Variants in ADGRB1 observed in about 807,000 individuals in gnomAD.
The protein encoded by ADGRB1 is brain-specific angiogenesis inhibitor 1.
Under a neutral mutation model 175.7 loss-of-function variants are expected in ADGRB1, and 36 were observed. That is an observed-to-expected ratio of 0.20 (90% confidence interval 0.16 to 0.27). The LOEUF (loss-of-function observed/expected upper bound fraction) is 0.27, where lower values mean the gene tolerates loss of function less well. ADGRB1 is among the 10% of genes least tolerant of loss of function. The probability of loss-of-function intolerance (pLI) is 1.00; values close to 1 mark genes in which losing one functional copy is unlikely to be tolerated. For synonymous variants in ADGRB1, 1,054 were observed against 979.4 expected, an observed-to-expected ratio of 1.08 and a Z score of -1.42; for missense variants, 1,731 against 2,255.3, an observed-to-expected ratio of 0.77 and a Z score of 4.71.
intron 24 of ADGRB1, among the ~76,000 whole-genome samples, chr8:142,529,340 TTGTG>T (rs141219376): frequency 1.0e-3 from 156 of 150,924 alleles, no homozygotes; most frequent in Middle Eastern, 0.01. Context: ...GCAGATGTGT[TTGTG>T]TGTGTGTGTG....
In ADGRB1 at chr8:142,490,780, C is replaced by G. The variant is rs1841943738; in HGVS notation, c.2640C>G (p.Thr880=). The change falls in exon 17 of 31, where the codon ACC becomes ACG. Residue 880 remains threonine (T), a synonymous_variant. Transcript: ENST00000517894. The stretch of plus-strand genomic sequence containing the variant: ...TCTCCCCTCTCTCCCAGGGCACCAC[C>G]AACCAGACCTGTATCCTGTGGGATG... ...IEFAHMYNGT[T]NQTCILWDET... The G allele has an allele frequency of 6.3e-7, 1 of 1,582,296 alleles. No homozygotes were observed. Among genetic ancestry groups the G allele is most frequent in the Non-Finnish European group, 8.6e-7 (1 of 1,164,154 alleles).
chr8:142,480,301 C>G (rs924218958), intron 9 of ADGRB1, among the ~76,000 whole-genome samples: 1 of 152,196 alleles, frequency 6.6e-6, no homozygotes, highest in African/African-American at 2.4e-5. Flanking sequence ...TGGGTTCAAA[C>G]TCTGGTTCTG....
chr8:142,532,163 C>G (rs1435796940), intron 24 of ADGRB1, among the ~76,000 whole-genome samples: 1 of 152,158 alleles, frequency 6.6e-6, no homozygotes, highest in Non-Finnish European at 1.5e-5. Flanking sequence ...AGGAGGGAAG[C>G]TGGCGCCAGC....
rs374047873 is a variant in ADGRB1 at position 142,520,918 on chromosome 8, G to C, written c.3017G>C (p.Arg1006Pro). Reference protein sequence around the residue: ...ALILIGQTQTRNKVVCTLVAA... With the variant: ...ALILIGQTQTPNKVVCTLVAA... ...ATCCTCATCGGGCAGACCCAGACCC[G>C]CAACAAGGTAGGCAGCCTTGCGTCC... is the stretch of plus-strand genomic sequence containing the variant. Residue 1006 changes from arginine to proline, a missense_variant, in exon 20 of 31, where the codon CGC becomes CCC. This residue lies in a region of ADGRB1 where 301 missense variants were observed against 488.4 expected (regional missense o/e 0.62). Coordinates refer to ENST00000517894, the MANE Select transcript of ADGRB1 (RefSeq NM_001702.3). 1 of 1,612,572 alleles carries C rather than the reference G, an allele frequency of 6.2e-7. No homozygotes were observed. Among genetic ancestry groups the C allele is most frequent in the African/African-American group, 1.3e-5 (1 of 74,868 alleles).
Position 142,477,045 on chromosome 8 carries a change from G to C in ADGRB1, c.1058-69G>C, listed in dbSNP as rs950318395. 1.4e-6 allele frequency: 2 copies of C among 1,431,446 alleles called. 1 individual carries two copies. The highest frequency in any genetic ancestry group is 1.8e-6 in the Non-Finnish European group (2 of 1,095,242). The allele number at this position is 1,431,446 out of a possible 1,614,324, so 88.7% of individuals were successfully genotyped here. ...CCCAGCAGGGCAGCCCTCCTGCTGC[G>C]GGGTCTGGCCCCGGTCTGACTGCAG... On this transcript the variant is annotated intron_variant, in intron 4 of 30. Transcript: ENST00000517894.
At chr8:142,505,033 G>A (rs957090622) in intron 17 of ADGRB1, among the ~76,000 whole-genome samples, 5 of 142,912 alleles carry the variant, frequency 3.5e-5, no homozygotes, top group Admixed American at 2.3e-4. Context: ...AGGAGGCATC[G>A]TGAATGCAGT....
At chr8:142,540,935 G>A (rs1026538386) in intron 27 of ADGRB1, among the ~76,000 whole-genome samples, 20 of 152,180 alleles carry the variant, frequency 1.3e-4, no homozygotes, top group East Asian at 9.7e-4. Flanking sequence ...GCCTGTGTTC[G>A]GGAGAGAGAG....
At chr8:142,544,069 T>A in intron 30 of ADGRB1, 151 bp from the exon 31 acceptor site, 1 of 843,808 alleles carries the variant, frequency 1.2e-6, no homozygotes, top group South Asian at 1.8e-5. Flanking sequence ...TCTGGGCTCT[T>A]GTCCTGAAAG....
chr8:142,470,152 G>A (rs1288971553), intron 2 of ADGRB1, among the ~76,000 whole-genome samples: 1 of 152,094 alleles, frequency 6.6e-6, no homozygotes, highest in Non-Finnish European at 1.5e-5. Flanking sequence ...TCCACCTCGT[G>A]CTGCCCCACG....
chr8:142,522,542 G>A (rs1264990057), intron 21 of ADGRB1, 99 bp from the exon 22 acceptor site: 17 of 1,215,226 alleles, frequency 1.4e-5, no homozygotes, highest in East Asian at 8.1e-5. Context: ...CTTCAGAAGC[G>A]CCTGCCTGGC....
chr8:142,494,969 A>G (rs1484125673), intron 17 of ADGRB1, among the ~76,000 whole-genome samples: 3 of 152,144 alleles, frequency 2.0e-5, no homozygotes, highest in Non-Finnish European at 4.4e-5. Context: ...CCTTGACCAC[A>G]GGTGTCTCTA....
At chr8:142,536,946 G>C (rs567885242) in intron 25 of ADGRB1, 41 bp from the exon 26 acceptor site, 2 of 1,517,044 alleles carry the variant, frequency 1.3e-6, no homozygotes, top group Admixed American at 2.0e-5. Flanking sequence ...CGCAGGGTGG[G>C]GGCGTGGCTG....
At chr8:142,462,472 G>C (rs1563677196) in intron 1 of ADGRB1, among the ~76,000 whole-genome samples, 1 of 152,222 alleles carries the variant, frequency 6.6e-6, no homozygotes, top group South Asian at 2.1e-4. Context: ...CCCAAGTCCA[G>C]CCTCCGGCCT....
chr8:142,533,427 C>A lies in ADGRB1; in HGVS notation c.3531C>A (p.Gly1177=). The change falls in exon 25 of 31, where the codon GGC becomes GGA. Residue 1177 remains glycine, a synonymous_variant. Coordinates refer to ENST00000517894, the MANE Select transcript of ADGRB1 (RefSeq NM_001702.3). The part of the protein sequence containing the change: ...ILFAVFDSLE[G]FVIVMVHCIL... ...TCGCTGTCTTCGACTCGCTGGAGGG[C>A]TTCGTCATCGTCATGGTGCACTGTA... The A allele has an allele frequency of 6.2e-7, 1 of 1,612,244 alleles. No individual in the cohort carries two copies. The highest frequency in any genetic ancestry group is 8.5e-7 in the Non-Finnish European group (1 of 1,179,052).
intron 16 of ADGRB1, among the ~76,000 whole-genome samples, chr8:142,490,345 C>T (rs1841923439): frequency 6.6e-6 from 1 of 152,196 alleles, no homozygotes; most frequent in Non-Finnish European, 1.5e-5. Flanking sequence ...GCAGGCCTGG[C>T]AAGGCTGTGT....
At position 142,459,095 on chromosome 8, in the gene ADGRB1, T is replaced by C. The variant is rs1415282394; in HGVS notation, c.-219-4885T>C. Among the ~76,000 whole-genome samples the C allele has an allele frequency of 2.6e-5, 4 of 152,196 alleles. 1 individual carries two copies. Among genetic ancestry groups the C allele is most frequent in the Non-Finnish European group, 5.9e-5 (4 of 68,030 alleles). On this transcript the variant is annotated intron_variant, in intron 1 of 30. Coordinates refer to ENST00000517894, the MANE Select transcript of ADGRB1 (RefSeq NM_001702.3). ...CCTGTTGCCGGGATGCCCGGAGCTT[T>C]CTGTCCTCATAGTGGAGGCCTGGCA...
At chr8:142,453,117 C>G (rs952865861) in intron 1 of ADGRB1, among the ~76,000 whole-genome samples, 2 of 151,366 alleles carry the variant, frequency 1.3e-5, no homozygotes, top group African/African-American at 2.4e-5. Flanking sequence ...CCGGAGCCCC[C>G]CTCGCCGGCC....
In ADGRB1 at chr8:142,476,715, G is replaced by A; in HGVS notation, c.1057+20G>A. The A allele has an allele frequency of 1.3e-6, 2 of 1,537,146 alleles. No individual in the cohort carries two copies. Among genetic ancestry groups the A allele is most frequent in the Non-Finnish European group, 1.8e-6 (2 of 1,138,748 alleles). On this transcript the variant is annotated intron_variant, in intron 4 of 30. Transcript: ENST00000517894. ...AGACCGGTGAGCTGGCGGGAGGGGG[G>A]TGGGTGGGACTAGGGCTTTGGGAAA... is the stretch of plus-strand genomic sequence containing the variant.
chr8:142,526,684 C>T, intron 24 of ADGRB1, 57 bp downstream of exon 24: 1 of 1,513,344 alleles, frequency 6.6e-7, no homozygotes, highest in South Asian at 1.2e-5. Flanking sequence ...CCAGAGCCCA[C>T]CCAGCCCCGG....
Sources: gnomAD v4.1 joint callset for allele counts (sites outside exome capture counted in the v4.1 genomes callset) on GRCh38, gnomAD v4.1.1 for gene constraint, gnomAD v4.1.1 regional missense constraint, MANE v1.5 for transcripts, NCBI Gene and HGNC (gene_info 2026-07-23, HGNC 2026-07-21) for gene names.